The following DRC11 variants were observed in gnomAD, a reference collection of about 807,000 sequenced individuals.
DRC11 encodes the protein IQ and AAA domain-containing protein 1.
the DRC11 span, among the ~76,000 whole-genome samples, chr2:236,439,579 C>A: frequency 0.019 from 2,856 of 152,162 alleles, 86 homozygotes; most frequent in African/African-American, 0.065. Flanking sequence ...TCTGTACAAT[C>A]CTGTATAATT....
chr2:236,398,191 T>G, the DRC11 span, among the ~76,000 whole-genome samples: 11 of 152,208 alleles, frequency 7.2e-5, no homozygotes, highest in African/African-American at 2.4e-4. The surrounding 1 kb of genome is among the most constrained non-coding windows in gnomAD (Gnocchi z 6.2). Flanking sequence ...TTTGACCTCC[T>G]TTCTTCCCAG....
the DRC11 span, among the ~76,000 whole-genome samples, chr2:236,340,371 G>T: frequency 7.9e-5 from 12 of 152,276 alleles, no homozygotes; most frequent in African/African-American, 2.9e-4. Flanking sequence ...TGATCTGCCC[G>T]CTTCGGCCTC....
At chr2:236,332,782 G>C in the DRC11 span, 1 of 152,212 alleles carries the variant, frequency 6.6e-6, no homozygotes, top group Non-Finnish European at 1.5e-5. This position sits in a 1 kb window ranked among gnomAD's most constrained non-coding sequence, Gnocchi z 5.1. Context: ...TATTGCAGCA[G>C]TTCACTCCCA....
the DRC11 span, among the ~76,000 whole-genome samples, chr2:236,490,807 G>A: frequency 3.3e-5 from 5 of 150,920 alleles, no homozygotes; most frequent in Admixed American, 2.0e-4. This position sits in a 1 kb window ranked among gnomAD's most constrained non-coding sequence, Gnocchi z 5.5. Flanking sequence ...GTCTGCATGC[G>A]TGTGTGTGTA....
the DRC11 span, among the ~76,000 whole-genome samples, chr2:236,436,760 A>T: frequency 6.6e-6 from 1 of 152,158 alleles, no homozygotes; most frequent in South Asian, 2.1e-4. Context: ...GAATTAAATG[A>T]GTTGACTTAT....
the DRC11 span, among the ~76,000 whole-genome samples, chr2:236,389,003 G>A: frequency 6.6e-6 from 1 of 152,004 alleles, no homozygotes; most frequent in Non-Finnish European, 1.5e-5. Flanking sequence ...CCCACTTGAG[G>A]AGGCAGTCTG....
the DRC11 span, among the ~76,000 whole-genome samples, chr2:236,383,606 C>G: frequency 6.8e-6 from 1 of 147,128 alleles, no homozygotes; most frequent in Non-Finnish European, 1.5e-5. Context: ...TTGCTACATC[C>G]TATAATTCTT....
At chr2:236,506,152 T>G in the DRC11 span, among the ~76,000 whole-genome samples, 5,701 of 152,308 alleles carry the variant, frequency 0.037, 144 homozygotes, top group Middle Eastern at 0.065. This position sits in a 1 kb window ranked among gnomAD's most constrained non-coding sequence, Gnocchi z 4.9. Flanking sequence ...AACACTATTA[T>G]TTCTTCCACT....
At chr2:236,440,577 C>A in the DRC11 span, among the ~76,000 whole-genome samples, 2 of 152,248 alleles carry the variant, frequency 1.3e-5, no homozygotes, top group East Asian at 1.9e-4. Flanking sequence ...CGAAAAAAGG[C>A]AAGGAGCTGG....
At chr2:236,317,857 C>CA in the DRC11 span, among the ~76,000 whole-genome samples, 36 of 152,196 alleles carry the variant, frequency 2.4e-4, 1 homozygote, top group Non-Finnish European at 8.8e-5. The surrounding 1 kb of genome is among the most constrained non-coding windows in gnomAD (Gnocchi z 5.4). Flanking sequence ...AAGAGGAACT[C>CA]AGAGCTAGAA....
At chr2:236,343,556 G>C in the DRC11 span, 1 of 421,168 alleles carries the variant, frequency 2.4e-6, no homozygotes, top group Non-Finnish European at 4.6e-6. The surrounding 1 kb of genome is among the most constrained non-coding windows in gnomAD (Gnocchi z 6.6). Context: ...TGTCTGGTGG[G>C]AGAGGGAGTA....
chr2:236,396,657 T>C, the DRC11 span, among the ~76,000 whole-genome samples: 1 of 152,210 alleles, frequency 6.6e-6, no homozygotes, highest in Non-Finnish European at 1.5e-5. Flanking sequence ...ATAATACACA[T>C]TGTTTTAAAC....
At chr2:236,418,827 C>T in the DRC11 span, among the ~76,000 whole-genome samples, 33 of 152,142 alleles carry the variant, frequency 2.2e-4, no homozygotes, top group African/African-American at 7.0e-4. Context: ...CTTCTCTCTA[C>T]CATTGAGGAA....
At chr2:236,459,609 GTA>G in the DRC11 span, among the ~76,000 whole-genome samples, 13 of 108,088 alleles carry the variant, frequency 1.2e-4, no homozygotes, top group African/African-American at 3.9e-4. Context: ...ACATATATAC[GTA>G]TATAAGTATA....
the DRC11 span, among the ~76,000 whole-genome samples, chr2:236,372,963 A>G: frequency 5.3e-5 from 8 of 150,982 alleles, no homozygotes; most frequent in African/African-American, 1.9e-4. This position sits in a 1 kb window ranked among gnomAD's most constrained non-coding sequence, Gnocchi z 4.5. Flanking sequence ...TTCTTTAGGG[A>G]CTCGTATTAT....
At chr2:236,391,045 T>A in the DRC11 span, 4 of 152,228 alleles carry the variant, frequency 2.6e-5, no homozygotes, top group Non-Finnish European at 4.4e-5. This position sits in a 1 kb window ranked among gnomAD's most constrained non-coding sequence, Gnocchi z 4.5. Flanking sequence ...GATTCTGTGC[T>A]CCACCCAGGT....
At chr2:236,366,318 G>A in the DRC11 span, among the ~76,000 whole-genome samples, 3 of 152,202 alleles carry the variant, frequency 2.0e-5, no homozygotes. Flanking sequence ...CCTCTGCTGA[G>A]TGGCCAGGTT....
the DRC11 span, among the ~76,000 whole-genome samples, chr2:236,424,166 C>T: frequency 6.6e-6 from 1 of 151,840 alleles, no homozygotes; most frequent in Non-Finnish European, 1.5e-5. Context: ...CTAACCTGCA[C>T]GTTGTGCACA....
chr2:236,382,582 G>T, the DRC11 span, among the ~76,000 whole-genome samples: 1 of 152,008 alleles, frequency 6.6e-6, no homozygotes, highest in African/African-American at 2.4e-5. Flanking sequence ...CATGAATATG[G>T]TATGTCTGTC....
Sources: allele counts gnomAD v4.1 joint callset (sites outside exome capture counted in the v4.1 genomes callset), GRCh38; gene constraint gnomAD v4.1.1; non-coding constraint Gnocchi (gnomAD v3.1); transcripts MANE v1.5; gene names NCBI Gene and HGNC (gene_info 2026-07-23, HGNC 2026-07-21).